The following IL1RAPL2 variants were observed in gnomAD, a reference collection of about 807,000 sequenced individuals.
The protein encoded by IL1RAPL2 is X-linked interleukin-1 receptor accessory protein-like 2.
A neutral mutation model predicts 44.1 loss-of-function variants in IL1RAPL2; 3 were observed. The ratio of observed to expected loss-of-function variants is 0.07; its 90% CI spans 0.03 to 0.18. The LOEUF is 0.18. IL1RAPL2 is among the 10% of genes least tolerant of loss of function. The probability of loss-of-function intolerance (pLI) is 1.00; values close to 1 mark genes in which losing one functional copy is unlikely to be tolerated. For missense variants in IL1RAPL2, 391 were observed against 496.4 expected (o/e 0.79, Z 2.02); for synonymous variants, 181 against 178.8 (o/e 1.01, Z -0.10).
intron 1 of IL1RAPL2, among the ~76,000 whole-genome samples, chrX:104,628,754 C>T (rs1466320361): frequency 8.9e-6 from 1 of 111,763 alleles, no homozygotes; most frequent in Non-Finnish European, 1.9e-5. Flanking sequence ...ATGTTCCCAC[C>T]AAGGGTATAA....
chrX:104,634,535 G>A (rs1336357412), intron 1 of IL1RAPL2, among the ~76,000 whole-genome samples: 2 of 111,789 alleles, frequency 1.8e-5, no homozygotes, highest in Non-Finnish European at 3.8e-5. Context: ...CTCCTGTGCT[G>A]GGTGCATATA....
intron 2 of IL1RAPL2, among the ~76,000 whole-genome samples, chrX:105,086,530 G>A (rs191135332): frequency 1.8e-5 from 2 of 110,864 alleles, no homozygotes; most frequent in Non-Finnish European, 3.8e-5. Flanking sequence ...TTAGATAGGA[G>A]GAATAAGTTT....
At chrX:105,317,409 T>G (rs1353110900) in intron 5 of IL1RAPL2, among the ~76,000 whole-genome samples, 1 of 112,212 alleles carries the variant, frequency 8.9e-6, no homozygotes, top group African/African-American at 3.2e-5. Flanking sequence ...CCTCAGAAGC[T>G]TCTTGTATTT....
chrX:105,106,629 T>C (rs1409197592), intron 2 of IL1RAPL2, among the ~76,000 whole-genome samples: 1 of 110,621 alleles, frequency 9.0e-6, no homozygotes, highest in Admixed American at 9.7e-5. Flanking sequence ...AAGCAAATCT[T>C]TGTAGGAGAG....
chrX:105,026,721 T>C (rs765709353), intron 2 of IL1RAPL2, among the ~76,000 whole-genome samples: 63 of 111,083 alleles, frequency 5.7e-4, no homozygotes, highest in Admixed American at 3.3e-3. Flanking sequence ...TATTCCATGT[T>C]CATGGATTAG....
chrX:105,215,554 C>T (rs1050356970), intron 3 of IL1RAPL2, among the ~76,000 whole-genome samples: 5 of 112,032 alleles, frequency 4.5e-5, no homozygotes, highest in Non-Finnish European at 7.5e-5. Flanking sequence ...GGTACCATTT[C>T]TTCTGCAACT....
At chrX:105,616,799 AT>A (rs2037380167) in intron 6 of IL1RAPL2, among the ~76,000 whole-genome samples, 1 of 110,867 alleles carries the variant, frequency 9.0e-6, no homozygotes, top group Admixed American at 9.7e-5. Flanking sequence ...CAGTTTATCA[AT>A]TTTCTTTTTA....
chrX:104,736,010 C>T (rs777908070), intron 2 of IL1RAPL2, among the ~76,000 whole-genome samples: 4 of 111,087 alleles, frequency 3.6e-5, no homozygotes, highest in Non-Finnish European at 7.6e-5. Flanking sequence ...CTGTAGTCAT[C>T]TGTCTCCTTC....
intron 2 of IL1RAPL2, among the ~76,000 whole-genome samples, chrX:105,142,923 C>T (rs928710217): frequency 1.8e-5 from 2 of 110,401 alleles, no homozygotes; most frequent in Non-Finnish European, 3.8e-5. Flanking sequence ...TGATGGTTTC[C>T]AGCTTCATCC....
intron 5 of IL1RAPL2, among the ~76,000 whole-genome samples, chrX:105,409,810 A>AGATC (rs1449812114): frequency 1.2e-5 from 1 of 86,049 alleles, no homozygotes; most frequent in African/African-American, 4.2e-5. Context: ...TTTGATTTAT[A>AGATC]GATAGATAGA....
chrX:105,543,477 T>C (rs1161869703), intron 6 of IL1RAPL2, among the ~76,000 whole-genome samples: 2 of 112,014 alleles, frequency 1.8e-5, no homozygotes, highest in South Asian at 7.4e-4. Flanking sequence ...TGAAATGCAC[T>C]GAATGTGAGA....
chrX:104,824,006 A>G (rs180739474), intron 2 of IL1RAPL2, among the ~76,000 whole-genome samples: 36 of 111,711 alleles, frequency 3.2e-4, no homozygotes, highest in African/African-American at 1.1e-3. Flanking sequence ...CCCATTCAGT[A>G]TGATATTGGC....
chrX:105,576,712 AG>A (rs1457454387), intron 6 of IL1RAPL2, among the ~76,000 whole-genome samples: 1 of 112,131 alleles, frequency 8.9e-6, no homozygotes, highest in Non-Finnish European at 1.9e-5. Context: ...GAAAAACTGC[AG>A]GAATGCTGCA....
chrX:105,406,463 G>T, intron 5 of IL1RAPL2: 2 of 1,195,980 alleles, frequency 1.7e-6, no homozygotes, highest in African/African-American at 1.7e-5. Flanking sequence ...ACCACCGGAG[G>T]ATCATTCACC....
intron 6 of IL1RAPL2, among the ~76,000 whole-genome samples, chrX:105,516,389 G>A (rs2036514169): frequency 8.9e-6 from 1 of 111,736 alleles, no homozygotes; most frequent in African/African-American, 3.3e-5. Context: ...CAAAACACAG[G>A]GAAGAATTTG....
At chrX:104,897,617 A>G (rs769336364) in intron 2 of IL1RAPL2, among the ~76,000 whole-genome samples, 2 of 112,555 alleles carry the variant, frequency 1.8e-5, no homozygotes, top group Non-Finnish European at 3.7e-5. Flanking sequence ...GTTATGCAGG[A>G]TAGATTAGCA....
intron 2 of IL1RAPL2, among the ~76,000 whole-genome samples, chrX:104,665,687 T>G (rs1930475822): frequency 9.0e-6 from 1 of 111,472 alleles, no homozygotes; most frequent in Non-Finnish European, 1.9e-5. Context: ...ACATGATATT[T>G]ATATCTGTAA....
chrX:104,629,235 T>C (rs1929583396), intron 1 of IL1RAPL2, among the ~76,000 whole-genome samples: 1 of 112,194 alleles, frequency 8.9e-6, no homozygotes, highest in Non-Finnish European at 1.9e-5. Context: ...TGGAGTAAGA[T>C]GATATCTCAT....
intron 2 of IL1RAPL2, among the ~76,000 whole-genome samples, chrX:104,837,277 G>T (rs775638321): frequency 9.0e-6 from 1 of 111,236 alleles, no homozygotes; most frequent in African/African-American, 3.3e-5. Flanking sequence ...TGGTATTTCT[G>T]GTTCTAGATC....
Sources: allele counts gnomAD v4.1 joint callset (sites outside exome capture counted in the v4.1 genomes callset), GRCh38; gene constraint gnomAD v4.1.1; transcripts MANE v1.5; gene names NCBI Gene and HGNC (gene_info 2026-07-23, HGNC 2026-07-21).